Variants in GALNT8 observed in about 807,000 individuals in gnomAD.
GALNT8 encodes probable polypeptide N-acetylgalactosaminyltransferase 8.
A neutral mutation model predicts 62.7 loss-of-function variants in GALNT8; 66 were observed. The observed-to-expected ratio is 1.05, with a 90% CI of 0.86 to 1.29. GALNT8 has a LOEUF of 1.29. GALNT8 is among the 50% of genes most tolerant of loss of function. GALNT8 has a pLI of 0.00. For missense variants in GALNT8, 771 were observed against 791.8 expected (o/e 0.97, Z 0.32); for synonymous variants, 288 against 294.3 (o/e 0.98, Z 0.22).
At chr12:4,752,164 T>TA (rs1946324930) in intron 6 of GALNT8, among the ~76,000 whole-genome samples, 1 of 152,124 alleles carries the variant, frequency 6.6e-6, no homozygotes. Flanking sequence ...GTATGTTTCT[T>TA]ATAGGCAACA....
intron 1 of GALNT8, 52 bp downstream of exon 1, chr12:4,720,940 G>A (rs1193848626): frequency 8.8e-7 from 1 of 1,130,762 alleles, no homozygotes; most frequent in Non-Finnish European, 1.3e-6. Context: ...TGTGTGTTTG[G>A]GGCACTTAGG....
chr12:4,767,467 T>C (rs536602000), intron 10 of GALNT8, among the ~76,000 whole-genome samples: 32 of 152,346 alleles, frequency 2.1e-4, no homozygotes, highest in Admixed American at 1.5e-3. Context: ...GAAAAGGTGA[T>C]GCTGTCTTTG....
In GALNT8 at chr12:4,764,017, CATGTATTA is replaced by C; in HGVS notation, c.1564_1571del (p.Met522LeufsTer3). On this transcript the variant is annotated frameshift_variant, in exon 9 of 11. Transcript: ENST00000252318. LOFTEE classifies it high-confidence loss of function. ...GACCCGTTCCAGGCAACACCCCCAT[CATGTATTA>C]CTGCCATGAATTCAGCTCACAGGTA... is the stretch of plus-strand genomic sequence containing the variant. The C allele has an allele frequency of 1.3e-6, 2 of 1,589,776 alleles. No homozygotes were observed. The highest frequency in any genetic ancestry group is 1.7e-6 in the Non-Finnish European group (2 of 1,157,494).
chr12:4,765,431 A>G lies in GALNT8; in HGVS notation c.1646A>G (p.Glu549Gly). Reference protein sequence around the residue: ...GELYVGQLIAEASASDRCLTD... With the variant: ...GELYVGQLIAGASASDRCLTD... ...CTCTATGTGGGACAACTGATTGCAG[A>G]GGCCAGTGCTAGTGATCGCTGCCTG... is the stretch of plus-strand genomic sequence containing the variant. Residue 549 changes from glutamate (E) to glycine (G), a missense_variant, in exon 10 of 11, where the codon GAG (glutamate) becomes GGG (glycine). Coordinates refer to ENST00000252318, the MANE Select transcript of GALNT8 (RefSeq NM_017417.2). 6.2e-7 allele frequency: 1 copy of G among 1,602,618 alleles called. No individual in the cohort carries two copies. The highest frequency in any genetic ancestry group is 8.5e-7 in the Non-Finnish European group (1 of 1,176,810).
intron 2 of GALNT8, among the ~76,000 whole-genome samples, chr12:4,738,580 G>A (rs1453804586): frequency 6.6e-6 from 1 of 152,094 alleles, no homozygotes; most frequent in East Asian, 1.9e-4. Flanking sequence ...AATTAAAAAT[G>A]GGCAAACATA....
chr12:4,766,833 C>T (rs1009623209), intron 10 of GALNT8, among the ~76,000 whole-genome samples: 2 of 151,962 alleles, frequency 1.3e-5, no homozygotes, highest in Non-Finnish European at 2.9e-5. Flanking sequence ...AAGTTAATGA[C>T]CCCTTTGAGA....
intron 6 of GALNT8, among the ~76,000 whole-genome samples, chr12:4,753,961 G>A (rs1429657751): frequency 6.6e-6 from 1 of 152,178 alleles, no homozygotes; most frequent in African/African-American, 2.4e-5. Context: ...GATGGTCTTG[G>A]ATAAGATCCG....
chr12:4,746,695 G>A (rs1262190512), intron 6 of GALNT8, among the ~76,000 whole-genome samples: 4 of 152,178 alleles, frequency 2.6e-5, no homozygotes, highest in African/African-American at 4.8e-5. Context: ...TGACGTGATA[G>A]CCTGAGTTTG....
intron 2 of GALNT8, among the ~76,000 whole-genome samples, chr12:4,733,963 T>C (rs536650374): frequency 2.6e-5 from 4 of 152,350 alleles, no homozygotes; most frequent in African/African-American, 9.6e-5. Context: ...TCTCCTCTTA[T>C]TGCTCCTAGC....
At position 4,763,240 on chromosome 12, in the gene GALNT8, G is replaced by A. The variant is rs1225832896; in HGVS notation, c.1360-13G>A. On this transcript the variant is annotated splice_polypyrimidine_tract_variant and intron_variant, in intron 7 of 10. Coordinates refer to ENST00000252318, the MANE Select transcript of GALNT8 (RefSeq NM_017417.2). ...GAATCAAAGCACAGAAACACTTGGC[G>A]TTTTATTTACAGAACTCTGGAATAG... is the stretch of plus-strand genomic sequence containing the variant. 1.2e-5 allele frequency: 19 copies of A among 1,609,654 alleles called. No homozygotes were observed. The highest frequency in any genetic ancestry group is 1.7e-4 in the Middle Eastern group (1 of 6,054).
intron 6 of GALNT8, among the ~76,000 whole-genome samples, chr12:4,760,501 G>A (rs1473934635): frequency 1.3e-5 from 2 of 152,194 alleles, no homozygotes; most frequent in African/African-American, 4.8e-5. Flanking sequence ...CTCAAGGGGA[G>A]GGGATCAGGC....
Position 4,761,797 on chromosome 12 carries a change from C to G in GALNT8, c.1359+654C>G, listed in dbSNP as rs576203975. Among the ~76,000 whole-genome samples, 892 of 152,172 alleles carry G rather than the reference C, an allele frequency of 5.9e-3. 5 individuals are homozygous for G. The highest frequency in any genetic ancestry group is 9.6e-3 in the South Asian group (46 of 4,816). ...AGGTCGTGCTGTGCTCTCTCGTGTC[C>G]CTGAGCTCTGGCTCCGGGCCAGAGC... On this transcript the variant is annotated intron_variant, in intron 7 of 10. Coordinates refer to ENST00000252318, the MANE Select transcript of GALNT8 (RefSeq NM_017417.2).
chr12:4,745,219 T>A (rs1946291609), intron 4 of GALNT8, among the ~76,000 whole-genome samples: 1 of 152,146 alleles, frequency 6.6e-6, no homozygotes, highest in Non-Finnish European at 1.5e-5. Flanking sequence ...TCAAACCTGT[T>A]CTCGATGCGG....
In GALNT8 at chr12:4,739,254, A is replaced by G. The variant is rs1274844677; in HGVS notation, c.601A>G (p.Ile201Val). Reference protein sequence around the residue: ...NEALSIIQRAITSIINRTPSR... With the variant: ...NEALSIIQRAVTSIINRTPSR... ...AGCTCTGTCCATTATACAACGGGCCATCACCAGTATCATCAACCGGACGCC... is the reference window on the plus strand; with the variant it reads ...AGCTCTGTCCATTATACAACGGGCCGTCACCAGTATCATCAACCGGACGCC... Residue 201 changes from isoleucine to valine, a missense_variant, in exon 3 of 11, where the codon ATC (isoleucine) becomes GTC (valine). By Grantham distance (29) the Ile-to-Val change is conservative. Coordinates refer to ENST00000252318, the MANE Select transcript of GALNT8 (RefSeq NM_017417.2). The G allele has an allele frequency of 1.2e-6, 2 of 1,613,590 alleles. No homozygotes were observed. The highest frequency in any genetic ancestry group is 8.5e-7 in the Non-Finnish European group (1 of 1,179,500).
intron 1 of GALNT8, among the ~76,000 whole-genome samples, chr12:4,721,098 T>C (rs574038367): frequency 6.6e-6 from 1 of 152,006 alleles, no homozygotes; most frequent in East Asian, 1.9e-4. Context: ...GAGCAAGCAG[T>C]ATGGGGGAGG....
intron 10 of GALNT8, among the ~76,000 whole-genome samples, chr12:4,771,517 G>A (rs956383216): frequency 1.3e-5 from 2 of 152,158 alleles, no homozygotes; most frequent in African/African-American, 4.8e-5. Flanking sequence ...ATTTGGAGAT[G>A]TTACAGCTGC....
chr12:4,737,891 G>A (rs2137526480), intron 2 of GALNT8, among the ~76,000 whole-genome samples: 1 of 152,288 alleles, frequency 6.6e-6, no homozygotes, highest in East Asian at 1.9e-4. Context: ...CCAGCACCTT[G>A]ACATTAGACT....
rs1946164429 is a variant in GALNT8, at chr12:4,720,884, T to A, written c.207T>A (p.Asp69Glu). 6 of 1,573,602 alleles carry A rather than the reference T, an allele frequency of 3.8e-6. No individual in the cohort carries two copies. Among genetic ancestry groups the A allele is most frequent in the Non-Finnish European group, 4.4e-6 (5 of 1,143,500 alleles). The change falls in exon 1 of 11, where the codon GAT becomes GAA. Residue 69 changes from aspartate to glutamate, a missense_variant. Transcript: ENST00000252318. Reference protein sequence around the residue: ...RLSHLEVELQDLKESMKLALR... With the variant: ...RLSHLEVELQELKESMKLALR... ...CCCACTTGGAGGTGGAATTGCAGGATCTGAGTAAGTTTACAATGCTAACCT... is the reference window on the plus strand; with the variant it reads ...CCCACTTGGAGGTGGAATTGCAGGAACTGAGTAAGTTTACAATGCTAACCT...
rs71579269 is a variant in GALNT8, at chr12:4,746,199, G to T, written c.1114G>T (p.Gly372Trp). 4.9e-3 allele frequency: 7,930 copies of T among 1,613,490 alleles called. 30 individuals are homozygous for T. Among genetic ancestry groups the T allele is most frequent in the Non-Finnish European group, 6.0e-3 (7,072 of 1,179,448 alleles). ...AANRHFLGEI[G>W]SLDGGMLIYG... Reference sequence around the variant, plus strand: ...TAACAGGCACTTCCTGGGAGAGATCGGGTCTCTGGATGGTGGAATGCTCAT... The same window carrying T: ...TAACAGGCACTTCCTGGGAGAGATCTGGTCTCTGGATGGTGGAATGCTCAT... The change falls in exon 6 of 11, where the codon GGG becomes TGG. Residue 372 changes from glycine to tryptophan, a missense_variant. Physicochemically the swap from Gly to Trp is radical, Grantham distance 184. Transcript: ENST00000252318.
Sources: allele counts gnomAD v4.1 joint callset (sites outside exome capture counted in the v4.1 genomes callset), GRCh38; gene constraint gnomAD v4.1.1; transcripts MANE v1.5; gene names NCBI Gene and HGNC (gene_info 2026-07-23, HGNC 2026-07-21).